The following STK24 variants were observed in gnomAD, a reference collection of about 807,000 sequenced individuals.
STK24 encodes the protein serine/threonine-protein kinase 24.
Under a neutral mutation model 55.6 loss-of-function variants are expected in STK24, and 21 were observed. The ratio of observed to expected loss-of-function variants is 0.38; its 90% confidence interval spans 0.27 to 0.54. The LOEUF is 0.54. Among genes scored for constraint, STK24 ranks in the 20% least tolerant of loss-of-function variants. The probability of loss-of-function intolerance (pLI) is 0.79; values close to 1 mark genes in which losing one functional copy is unlikely to be tolerated. For missense variants in STK24, 383 were observed against 538.4 expected (o/e 0.71, Z 2.86); for synonymous variants, 200 against 215.2 (o/e 0.93, Z 0.62).
intron 1 of STK24, among the ~76,000 whole-genome samples, chr13:98,537,566 C>T (rs1896769793): frequency 1.3e-5 from 2 of 152,232 alleles, no homozygotes; most frequent in African/African-American, 4.8e-5. Context: ...TCACTACCCA[C>T]AGCAGGACAG....
chr13:98,545,714 T>A (rs1305025718), intron 1 of STK24, among the ~76,000 whole-genome samples: 1 of 151,850 alleles, frequency 6.6e-6, no homozygotes, highest in Non-Finnish European at 1.5e-5. Context: ...AGTCAGTGAT[T>A]AGACAACTCA....
intron 1 of STK24, among the ~76,000 whole-genome samples, chr13:98,569,420 A>AAC (rs2139464545): frequency 6.9e-6 from 1 of 143,904 alleles, no homozygotes; most frequent in African/African-American, 2.6e-5. Context: ...AGACAAAAAA[A>AAC]AAAAAACAAA....
chr13:98,505,665 T>C (rs1383795058), intron 2 of STK24, among the ~76,000 whole-genome samples: 1 of 152,240 alleles, frequency 6.6e-6, no homozygotes, highest in African/African-American at 2.4e-5. Context: ...GATTGGTCTC[T>C]TAACAGGTTA....
chr13:98,546,809 CT>C (rs1248000589), intron 1 of STK24, among the ~76,000 whole-genome samples: 1 of 152,116 alleles, frequency 6.6e-6, no homozygotes, highest in African/African-American at 2.4e-5. Context: ...ACATGAACTC[CT>C]TGTGTTTGTC....
At chr13:98,514,255 T>C (rs1385766242) in intron 2 of STK24, among the ~76,000 whole-genome samples, 1 of 152,254 alleles carries the variant, frequency 6.6e-6, no homozygotes, top group African/African-American at 2.4e-5. Context: ...GCAGCCTCGT[T>C]CATGGAGACG....
chr13:98,527,040 G>C (rs1011022955), intron 1 of STK24, among the ~76,000 whole-genome samples: 3 of 152,168 alleles, frequency 2.0e-5, no homozygotes, highest in Admixed American at 6.5e-5. Flanking sequence ...ATACACACTC[G>C]GAAGTAGAAA....
In STK24 at chr13:98,474,850, C is replaced by T; in HGVS notation, c.568G>A (p.Val190Ile). 6.2e-7 allele frequency: 1 copy of T among 1,613,704 alleles called. No homozygotes were observed. Residue 190 changes from valine to isoleucine, a missense_variant, in exon 5 of 11, where the codon GTC becomes ATC. Transcript: ENST00000539966. Reference sequence around the variant, plus strand: ...GAGTCATAGGCCGACTGTTTGATGACCTCGGGTGCCATCCAGAATGGGGTG... The same window carrying T: ...GAGTCATAGGCCGACTGTTTGATGATCTCGGGTGCCATCCAGAATGGGGTG... ...VGTPFWMAPE[V>I]IKQSAYDSKA...
At chr13:98,564,474 G>A (rs1897515322) in intron 1 of STK24, among the ~76,000 whole-genome samples, 1 of 152,202 alleles carries the variant, frequency 6.6e-6, no homozygotes, top group Admixed American at 6.5e-5. Flanking sequence ...CCAGGAACAG[G>A]CACTGAGCTT....
chr13:98,550,367 T>C (rs997174229), intron 1 of STK24, among the ~76,000 whole-genome samples: 3 of 152,134 alleles, frequency 2.0e-5, no homozygotes, highest in Non-Finnish European at 2.9e-5. Context: ...AGGGGGAACC[T>C]GTCCCTACAA....
chr13:98,568,589 G>A (rs550879754), intron 1 of STK24, among the ~76,000 whole-genome samples: 206 of 152,270 alleles, frequency 1.4e-3, no homozygotes, highest in African/African-American at 4.6e-3. Flanking sequence ...AATGAAGGCC[G>A]GGGATGGTGG....
At chr13:98,456,672 G>A (rs1893471953) in intron 10 of STK24, 2 of 405,000 alleles carry the variant, frequency 4.9e-6, no homozygotes, top group Non-Finnish European at 1.0e-5. Context: ...GCTCCCTACA[G>A]GCTGGCACAG....
In STK24 at chr13:98,519,468, T is replaced by C. The variant is rs748613493; in HGVS notation, c.48A>G (p.Leu16=). 4 of 1,613,790 alleles carry C rather than the reference T, an allele frequency of 2.5e-6. No individual in the cohort carries two copies. Among genetic ancestry groups the C allele is most frequent in the African/African-American group, 2.7e-5 (2 of 74,988 alleles). Reference sequence around the variant, plus strand: ...TAAAAAGCTCTTCTGGGTCTGCCTTTAGGTTCTGTAGAGAGAAGGAAGAGA... The same window carrying C: ...TAAAAAGCTCTTCTGGGTCTGCCTTCAGGTTCTGTAGAGAGAAGGAAGAGA... ...VQSGLPGMQN[L]KADPEELFTK... The change falls in exon 2 of 11, where the codon CTA becomes CTG. Residue 16 remains leucine (L), a synonymous_variant. Coordinates refer to ENST00000539966, the MANE Select transcript of STK24 (RefSeq NM_001032296.4).
chr13:98,528,398 T>TG (rs903623288), intron 1 of STK24, among the ~76,000 whole-genome samples: 8 of 152,100 alleles, frequency 5.3e-5, no homozygotes, highest in African/African-American at 4.8e-5. Flanking sequence ...CCAGTCTAGG[T>TG]GGGGGGCAAA....
chr13:98,523,245 C>CAGT (rs967791464), intron 1 of STK24, among the ~76,000 whole-genome samples: 1 of 152,204 alleles, frequency 6.6e-6, no homozygotes. Context: ...TCACCCCCTC[C>CAGT]AGTAAACTGT....
chr13:98,508,798 A>AT (rs896722359), intron 2 of STK24: 6 of 152,174 alleles, frequency 3.9e-5, no homozygotes, highest in African/African-American at 1.2e-4. Flanking sequence ...CACGCCTCAT[A>AT]TTTTATTCCC....
At position 98,446,356 on chromosome 13, in the gene STK24, G is replaced by A. The variant is rs186191634; in HGVS notation, c.*6817C>T. The A allele has an allele frequency of 6.5e-5, 40 of 616,408 alleles. No homozygotes were observed. Among genetic ancestry groups the A allele is most frequent in the African/African-American group, 2.8e-4 (15 of 54,356 alleles). The allele number at this position is 616,408 out of a possible 1,614,324, so 38.2% of individuals were successfully genotyped here. ...TGCTGGCGGGGGGCCCTGTCCACCC[G>A]AGGCCCTCAACTCTAGGGAAGACTG... On this transcript the variant is annotated 3_prime_UTR_variant, in exon 11 of 11. Transcript: ENST00000539966.
intron 1 of STK24, among the ~76,000 whole-genome samples, chr13:98,528,850 G>A (rs117019677): frequency 1.8e-4 from 28 of 152,212 alleles, no homozygotes; most frequent in Non-Finnish European, 3.7e-4. Flanking sequence ...TCTAATACCC[G>A]GTACTTCTCA....
chr13:98,462,620 C>T (rs1006905281), intron 7 of STK24, among the ~76,000 whole-genome samples: 4 of 152,134 alleles, frequency 2.6e-5, no homozygotes, highest in East Asian at 1.9e-4. Context: ...CCACATGCCC[C>T]AACTGACACC....
At position 98,454,264 on chromosome 13, in the gene STK24, C is replaced by T. The variant is rs1271137884; in HGVS notation, c.1260-1055G>A. 12 of 152,172 alleles carry T rather than the reference C, an allele frequency of 7.9e-5. No homozygotes were observed. The East Asian group carries it at 2.3e-3, about 29-fold the overall frequency. 9.4% of individuals were successfully genotyped at this position (152,172 alleles called of 1,614,324 possible). On this transcript the variant is annotated intron_variant, in intron 10 of 10. Transcript: ENST00000539966. ...GATCATGGGTAATTTCTGTGTCTTC[C>T]AAAAATTCTACAAGATTGTCTTCAG... is the stretch of plus-strand genomic sequence containing the variant.
Sources: gnomAD v4.1 joint callset for allele counts (sites outside exome capture counted in the v4.1 genomes callset) on GRCh38, gnomAD v4.1.1 for gene constraint, MANE v1.5 for transcripts, NCBI Gene and HGNC (gene_info 2026-07-23, HGNC 2026-07-21) for gene names.